PTPRN2: variants seen among roughly 807,000 people sequenced by gnomAD.
PTPRN2 encodes the protein receptor-type tyrosine-protein phosphatase N2.
Under a neutral mutation model 118.8 loss-of-function variants are expected in PTPRN2, and 74 were observed. The ratio of observed to expected loss-of-function variants is 0.62; its 90% CI spans 0.52 to 0.76. The LOEUF is 0.76. Ranked by LOEUF, PTPRN2 falls within the 30% of genes least tolerant of loss-of-function variation. PTPRN2 has a pLI of 0.00. For missense variants in PTPRN2, 1,481 were observed against 1,394.4 expected, an observed-to-expected ratio of 1.06 and a Z score of -0.99; for synonymous variants, 641 against 608.0, an observed-to-expected ratio of 1.05 and a Z score of -0.80.
chr7:157,766,006 A>G (rs1233942557), intron 12 of PTPRN2, among the ~76,000 whole-genome samples: 1 of 143,324 alleles, frequency 7.0e-6, no homozygotes, highest in African/African-American at 2.7e-5. Context: ...CCAACCATCC[A>G]TCCTTCCTTC....
intron 12 of PTPRN2, among the ~76,000 whole-genome samples, chr7:157,797,543 C>T (rs1043152500): frequency 1.2e-4 from 18 of 152,066 alleles, no homozygotes; most frequent in African/African-American, 4.1e-4. Context: ...GTCACACAGG[C>T]AAAGACTGTC....
At chr7:157,664,123 AG>A (rs1796023235) in intron 13 of PTPRN2, among the ~76,000 whole-genome samples, 1 of 152,078 alleles carries the variant, frequency 6.6e-6, no homozygotes, top group Admixed American at 6.5e-5. Flanking sequence ...ACAGCGGGGG[AG>A]GGGGCCACAC....
At chr7:158,343,804 T>G (rs1795489238) in intron 2 of PTPRN2, among the ~76,000 whole-genome samples, 1 of 151,858 alleles carries the variant, frequency 6.6e-6, no homozygotes, top group South Asian at 2.1e-4. Context: ...GCGCAGAGGC[T>G]CAGGCAGCCA....
intron 12 of PTPRN2, among the ~76,000 whole-genome samples, chr7:157,790,157 A>G (rs1473377197): frequency 2.4e-4 from 14 of 59,006 alleles, no homozygotes; most frequent in South Asian, 6.4e-4. Context: ...TGTGGTGTGA[A>G]TGTGGTGTGT....
intron 10 of PTPRN2, among the ~76,000 whole-genome samples, chr7:158,089,909 G>GACGAAAGAGGGAGTCTTCACACACATCCT (rs1813938744): frequency 1.3e-4 from 1 of 7,868 alleles, no homozygotes; most frequent in African/African-American, 2.3e-4. Context: ...ACACAAACCT[G>GACGAAAGAGGGAGTCTTCACACACATCCT]TCTTCCCCTG....
intron 12 of PTPRN2, among the ~76,000 whole-genome samples, chr7:157,855,603 T>A (rs55963292): frequency 0.029 from 4,452 of 152,210 alleles, 241 homozygotes; most frequent in African/African-American, 0.1. Flanking sequence ...TGATGGGGCT[T>A]CCCTGGAAGG....
At chr7:157,884,133 G>A (rs1796327150) in intron 12 of PTPRN2, among the ~76,000 whole-genome samples, 1 of 151,534 alleles carries the variant, frequency 6.6e-6, no homozygotes, top group African/African-American at 2.4e-5. Context: ...ACCCCAAAAT[G>A]ACTGTCAGAG....
intron 2 of PTPRN2, among the ~76,000 whole-genome samples, chr7:158,373,057 T>C (rs1345777720): frequency 6.6e-6 from 1 of 152,096 alleles, no homozygotes; most frequent in Non-Finnish European, 1.5e-5. Flanking sequence ...CGGCCGAAGG[T>C]TCCACCCAGC....
chr7:158,136,561 A>T, intron 8 of PTPRN2, 94 bp downstream of exon 8: 2 of 1,286,756 alleles, frequency 1.6e-6, no homozygotes, highest in African/African-American at 1.5e-5. Context: ...TGGGAAAAAA[A>T]CTTTTGTATT....
At chr7:158,177,255 AT>A (rs774375604) in intron 5 of PTPRN2, among the ~76,000 whole-genome samples, 5 of 151,670 alleles carry the variant, frequency 3.3e-5, no homozygotes, top group Non-Finnish European at 5.9e-5. Context: ...GGTTTTATGG[AT>A]TTTTTTTTAA....
At chr7:157,639,115 C>A (rs867160718) in intron 14 of PTPRN2, among the ~76,000 whole-genome samples, 1 of 151,724 alleles carries the variant, frequency 6.6e-6, no homozygotes, top group East Asian at 1.9e-4. Context: ...CGGCTCACTG[C>A]AACCTCTGCC....
At chr7:158,205,300 G>C (rs750963128) in intron 3 of PTPRN2, 27 bp from the exon 4 acceptor site, 1 of 1,564,338 alleles carries the variant, frequency 6.4e-7, no homozygotes. Context: ...CAAAAATTAT[G>C]TCATCATTTT....
At chr7:158,404,696 CGGG>C (rs1813221630) in intron 2 of PTPRN2, among the ~76,000 whole-genome samples, 1 of 149,492 alleles carries the variant, frequency 6.7e-6, no homozygotes. Context: ...CCTCAGCTCC[CGGG>C]CCTCCAGCTC....
intron 11 of PTPRN2, among the ~76,000 whole-genome samples, chr7:158,039,091 C>G (rs1454556253): frequency 2.0e-5 from 3 of 152,144 alleles, no homozygotes; most frequent in African/African-American, 7.2e-5. Context: ...TAAAAACTGC[C>G]TAAATATCCT....
rs371108742 is a variant in PTPRN2, at chr7:157,779,645, G to T, written c.1789-96708C>A. On this transcript the variant is annotated intron_variant, in intron 12 of 22. Transcript: ENST00000389418. The surrounding 1 kb of genome is among the most constrained non-coding windows in gnomAD (Gnocchi z 4.7). The stretch of plus-strand genomic sequence containing the variant: ...CTGCAGGAGTCTCCGAAGCACAAAG[G>T]CTGACCCTAGACTCTGGCCAGGACG... 6.6e-5 allele frequency among the ~76,000 whole-genome samples: 10 copies of T among 152,292 alleles called. No homozygotes were observed. In the East Asian group the frequency reaches 1.2e-3, roughly 18 times the overall value.
At chr7:158,062,863 G>A (rs1810459018) in intron 11 of PTPRN2, among the ~76,000 whole-genome samples, 1 of 152,136 alleles carries the variant, frequency 6.6e-6, no homozygotes, top group Non-Finnish European at 1.5e-5. Flanking sequence ...CCTTCGCCAT[G>A]GGCTCCTGTG....
In PTPRN2 at chr7:157,729,177, A is replaced by G. The variant is rs996377964; in HGVS notation, c.1789-46240T>C. Among the ~76,000 whole-genome samples, 3 of 152,052 alleles carry G rather than the reference A, an allele frequency of 2.0e-5. No individual in the cohort carries two copies. Among genetic ancestry groups the G allele is most frequent in the South Asian group, 2.1e-4 (1 of 4,818 alleles). ...TTTGGACAGAATTCCTATTAAATAC[A>G]ATATAGAGTATTTCATTTTCTGCAT... On this transcript the variant is annotated intron_variant, in intron 12 of 22. Coordinates refer to ENST00000389418, the MANE Select transcript of PTPRN2 (RefSeq NM_002847.5). The surrounding 1 kb of genome is among the most constrained non-coding windows in gnomAD (Gnocchi z 4.3).
Position 157,986,917 on chromosome 7 carries a change from G to T in PTPRN2, c.1724-88180C>A, listed in dbSNP as rs1290293454. ...GGAGCGAGGGGGCCCAGTGACTTTG[G>T]GGTCATTTGCACGGTATCAGCTATA... On this transcript the variant is annotated intron_variant, in intron 11 of 22. Transcript: ENST00000389418. This position sits in a 1 kb window ranked among gnomAD's most constrained non-coding sequence, Gnocchi z 4.5. Among the ~76,000 whole-genome samples the T allele has an allele frequency of 6.6e-6, 1 of 152,128 alleles. No homozygotes were observed. The highest frequency in any genetic ancestry group is 1.9e-4 in the East Asian group (1 of 5,160).
intron 2 of PTPRN2, among the ~76,000 whole-genome samples, chr7:158,384,226 G>A (rs915880989): frequency 1.3e-5 from 2 of 152,308 alleles, no homozygotes; most frequent in Admixed American, 1.3e-4. Flanking sequence ...ACAGGAGGAG[G>A]AGCTGGTAAG....
Sources: allele counts gnomAD v4.1 joint callset (sites outside exome capture counted in the v4.1 genomes callset), GRCh38; gene constraint gnomAD v4.1.1; non-coding constraint Gnocchi (gnomAD v3.1); transcripts MANE v1.5; gene names NCBI Gene and HGNC (gene_info 2026-07-23, HGNC 2026-07-21).